The following FAM13A variants were observed in gnomAD, a reference collection of about 807,000 sequenced individuals.
The protein encoded by FAM13A is family with sequence similarity 13 member A, also known as protein FAM13A.
FAM13A carries 76 observed loss-of-function variants against 129.6 expected under a neutral mutation model. The observed-to-expected ratio is 0.59, with a 90% confidence interval of 0.49 to 0.71. The LOEUF is 0.71. Ranked by LOEUF, FAM13A falls within the 30% of genes least tolerant of loss-of-function variation. The pLI, the probability that FAM13A is intolerant of heterozygous loss-of-function variation, is 0.00. For synonymous variants in FAM13A, 443 were observed against 449.9 expected (o/e 0.98, Z 0.20); for missense variants, 1,108 against 1,249.3 (o/e 0.89, Z 1.70).
chr4:88,873,011 AAACTGAAT>A (rs1477423191), intron 6 of FAM13A, among the ~76,000 whole-genome samples: 1 of 152,234 alleles, frequency 6.6e-6, no homozygotes, highest in African/African-American at 2.4e-5. Flanking sequence ...TCCTATATGG[AAACTGAAT>A]AACTTGCTCC....
intron 7 of FAM13A, among the ~76,000 whole-genome samples, chr4:88,825,856 C>T (rs1233780522): frequency 6.6e-6 from 1 of 151,910 alleles, no homozygotes; most frequent in African/African-American, 2.4e-5. Context: ...AATGCTATAA[C>T]TCAATAACTA....
intron 11 of FAM13A, among the ~76,000 whole-genome samples, chr4:88,780,263 A>C (rs1353475996): frequency 6.6e-6 from 1 of 152,192 alleles, no homozygotes; most frequent in Non-Finnish European, 1.5e-5. Flanking sequence ...GCACATGCAG[A>C]AATTGACAAT....
chr4:88,876,517 C>T (rs1465440739), intron 6 of FAM13A, among the ~76,000 whole-genome samples: 1 of 152,064 alleles, frequency 6.6e-6, no homozygotes, highest in Non-Finnish European at 1.5e-5. Flanking sequence ...TCTTATTGGT[C>T]ATTCTGTTCT....
chr4:88,892,289 A>C (rs1156235731), intron 6 of FAM13A, among the ~76,000 whole-genome samples: 1 of 146,264 alleles, frequency 6.8e-6, no homozygotes, highest in Non-Finnish European at 1.5e-5. Flanking sequence ...ACACCATTCT[A>C]CTGCCTCAGC....
intron 7 of FAM13A, chr4:88,823,226 C>T: frequency 2.2e-6 from 3 of 1,390,376 alleles, no homozygotes; most frequent in Non-Finnish European, 2.8e-6. Context: ...TGCTTCTCTA[C>T]ATTTACACTG....
rs1182872808 is a variant in FAM13A at position 89,031,555 on chromosome 4, G to GT, written c.28-1907dup. On this transcript the variant is annotated intron_variant, in intron 1 of 23. Coordinates refer to ENST00000264344, the MANE Select transcript of FAM13A (RefSeq NM_014883.4). ...GAAATTAGTTCATTTATGTAAAGGAGTAAGAACAGTGCCTGGCATACTCAT... is the reference window on the plus strand; with the variant it reads ...GAAATTAGTTCATTTATGTAAAGGAGTTAAGAACAGTGCCTGGCATACTCAT... Among the ~76,000 whole-genome samples the GT allele has an allele frequency of 4.6e-5, 7 of 152,310 alleles. No individual in the cohort carries two copies. In the East Asian group the frequency reaches 1.4e-3, roughly 29 times the overall value.
intron 7 of FAM13A, among the ~76,000 whole-genome samples, chr4:88,820,549 G>C (rs968428033): frequency 6.6e-6 from 1 of 152,146 alleles, no homozygotes. Context: ...CTCACATAAG[G>C]TCAGATATTA....
At chr4:88,899,266 T>A (rs1390906357) in intron 6 of FAM13A, among the ~76,000 whole-genome samples, 2 of 152,090 alleles carry the variant, frequency 1.3e-5, no homozygotes, top group Non-Finnish European at 2.9e-5. Context: ...AACATTATTC[T>A]CACTCATAAG....
intron 4 of FAM13A, among the ~76,000 whole-genome samples, chr4:88,947,726 G>A (rs1002154521): frequency 7.9e-5 from 12 of 151,062 alleles, no homozygotes; most frequent in Middle Eastern, 3.4e-3. Flanking sequence ...TTCCTAGGAC[G>A]CTTATTCTAT....
chr4:88,757,483 A>G (rs1743915091), intron 14 of FAM13A, among the ~76,000 whole-genome samples: 1 of 152,166 alleles, frequency 6.6e-6, no homozygotes, highest in African/African-American at 2.4e-5. Context: ...TATGAATTAA[A>G]AACTAACATG....
chr4:88,922,004 T>C (rs1295006025), intron 5 of FAM13A, among the ~76,000 whole-genome samples: 1 of 151,804 alleles, frequency 6.6e-6, no homozygotes, highest in Non-Finnish European at 1.5e-5. Flanking sequence ...GAGCTAACTA[T>C]CCTAAATATA....
At chr4:88,804,597 C>T (rs1484078326) in intron 8 of FAM13A, among the ~76,000 whole-genome samples, 2 of 152,072 alleles carry the variant, frequency 1.3e-5, no homozygotes, top group East Asian at 3.9e-4. Context: ...ATTTAGTTTC[C>T]TTCTCCGCTA....
intron 5 of FAM13A, among the ~76,000 whole-genome samples, chr4:88,933,309 T>C (rs1753341646): frequency 6.6e-6 from 1 of 152,138 alleles, no homozygotes; most frequent in African/African-American, 2.4e-5. Context: ...TATTCATAAC[T>C]CTTATACACA....
At chr4:88,951,810 A>C (rs1431695347) in intron 4 of FAM13A, among the ~76,000 whole-genome samples, 5 of 151,876 alleles carry the variant, frequency 3.3e-5, no homozygotes, top group Non-Finnish European at 2.9e-5. Flanking sequence ...TCTCTTATAT[A>C]TCATAATTTG....
intron 3 of FAM13A, among the ~76,000 whole-genome samples, chr4:89,002,328 T>C (rs1037848786): frequency 1.3e-5 from 2 of 152,176 alleles, no homozygotes; most frequent in Non-Finnish European, 2.9e-5. Flanking sequence ...CAGGCAGGCA[T>C]GTGCTCAGAC....
intron 2 of FAM13A, among the ~76,000 whole-genome samples, chr4:89,025,562 C>G (rs904876945): frequency 1.3e-5 from 2 of 152,078 alleles, no homozygotes; most frequent in African/African-American, 2.4e-5. Context: ...CCGCGCCTGG[C>G]CGGAATCATT....
intron 5 of FAM13A, among the ~76,000 whole-genome samples, chr4:88,918,563 A>T (rs1440155439): frequency 6.6e-6 from 1 of 152,208 alleles, no homozygotes; most frequent in Non-Finnish European, 1.5e-5. Flanking sequence ...TCAGGAAACA[A>T]TGCAAGTTAG....
chr4:88,954,084 C>T (rs1039467526), intron 4 of FAM13A, among the ~76,000 whole-genome samples: 14 of 152,094 alleles, frequency 9.2e-5, no homozygotes, highest in African/African-American at 3.4e-4. Context: ...TGTTAGACTC[C>T]ATGAATTCAG....
chr4:88,931,294 C>T (rs943867602), intron 5 of FAM13A, among the ~76,000 whole-genome samples: 6 of 152,138 alleles, frequency 3.9e-5, no homozygotes, highest in Admixed American at 1.3e-4. Context: ...CTGTGGGATT[C>T]TGTGTGGGTT....
Sources: gnomAD v4.1 joint callset for allele counts (sites outside exome capture counted in the v4.1 genomes callset) on GRCh38, gnomAD v4.1.1 for gene constraint, MANE v1.5 for transcripts, NCBI Gene and HGNC (gene_info 2026-07-23, HGNC 2026-07-21) for gene names.